MAPK10: variants seen among roughly 807,000 people sequenced by gnomAD.
MAPK10 encodes the protein mitogen-activated protein kinase 10, also known as JNK3 alpha protein kinase.
A neutral mutation model predicts 59.3 loss-of-function variants in MAPK10; 25 were observed. The ratio of observed to expected loss-of-function variants is 0.42; its 90% CI spans 0.31 to 0.59. MAPK10 has a LOEUF of 0.59. Ranked by LOEUF, MAPK10 falls within the 20% of genes least tolerant of loss-of-function variation. The pLI is 0.15. For missense variants in MAPK10, 351 were observed against 568.9 expected (o/e 0.62, Z 3.90); for synonymous variants, 190 against 200.5 (o/e 0.95, Z 0.44).
chr4:86,180,803 A>C (rs1443178234), intron 3 of MAPK10, among the ~76,000 whole-genome samples: 1 of 152,020 alleles, frequency 6.6e-6, no homozygotes, highest in Non-Finnish European at 1.5e-5. Context: ...AAAAAAGTTG[A>C]TCTCATAGAA....
chr4:86,293,834 A>T lies in MAPK10; in HGVS notation c.-7+60696T>A, dbSNP rs536348996. Among the ~76,000 whole-genome samples the T allele has an allele frequency of 4.6e-5, 7 of 152,292 alleles. No homozygotes were observed. In the East Asian group the frequency reaches 1.4e-3, roughly 29 times the overall value. ...CTATCAAGAGGACAGCACCAAGAGGATGGTGCTAATCCATTCAGGAGAAAT... is the reference window on the plus strand; with the variant it reads ...CTATCAAGAGGACAGCACCAAGAGGTTGGTGCTAATCCATTCAGGAGAAAT... On this transcript the variant is annotated intron_variant, in intron 2 of 13. Coordinates refer to ENST00000641462, the MANE Select transcript of MAPK10 (RefSeq NM_138982.4).
rs549616123 is a variant in MAPK10 at position 86,211,928 on chromosome 4, A to G, written c.-6-17521T>C. ...TAAATGTATTCCCCATGCTAGACAC[A>G]TACAAAAAACAGTTATAGAATCTAT... On this transcript the variant is annotated intron_variant, in intron 2 of 13. Transcript: ENST00000641462. Among the ~76,000 whole-genome samples the G allele has an allele frequency of 3.3e-5, 5 of 152,290 alleles. No individual in the cohort carries two copies. The East Asian group carries it at 7.7e-4, about 23-fold the overall frequency.
At position 86,283,731 on chromosome 4, in the gene MAPK10, TGCTTTGTAAAGCTAAATA is replaced by T. The variant is rs745875562; in HGVS notation, c.-7+70781_-7+70798del. ...AATGGAGAAAGAAGTGTATTCATGA[TGCTTTGTAAAGCTAAATA>T]GCCCTTTGATGGTTGCTTGTAGTGC... is the stretch of plus-strand genomic sequence containing the variant. On this transcript the variant is annotated intron_variant, in intron 2 of 13. Coordinates refer to ENST00000641462, the MANE Select transcript of MAPK10 (RefSeq NM_138982.4). Among the ~76,000 whole-genome samples, 99 of 152,366 alleles carry T rather than the reference TGCTTTGTAAAGCTAAATA, an allele frequency of 6.5e-4. 1 individual carries two copies. The highest frequency in any genetic ancestry group is 3.4e-3 in the Middle Eastern group (1 of 294).
At chr4:86,547,212 C>A (rs1206315444) in intron 1 of MAPK10, among the ~76,000 whole-genome samples, 1 of 152,242 alleles carries the variant, frequency 6.6e-6, no homozygotes, top group Non-Finnish European at 1.5e-5. Flanking sequence ...TGGGTTCCCA[C>A]TTTGGCGGCA....
At chr4:86,275,665 TG>T (rs1035574110) in intron 2 of MAPK10, among the ~76,000 whole-genome samples, 5 of 152,212 alleles carry the variant, frequency 3.3e-5, no homozygotes, top group African/African-American at 1.2e-4. Flanking sequence ...CAATTACTTT[TG>T]CTCCAACCTA....
chr4:86,074,618 G>C (rs1266982085), intron 9 of MAPK10, among the ~76,000 whole-genome samples: 4 of 133,252 alleles, frequency 3.0e-5, no homozygotes, highest in African/African-American at 1.2e-4. Flanking sequence ...GCATTTGCTT[G>C]TCTGTAAAGT....
intron 4 of MAPK10, among the ~76,000 whole-genome samples, chr4:86,130,591 G>A (rs997519293): frequency 5.9e-5 from 9 of 152,126 alleles, no homozygotes; most frequent in African/African-American, 1.4e-4. Context: ...GCTTACATAC[G>A]ATAAAATACT....
At position 86,320,460 on chromosome 4, in the gene MAPK10, C is replaced by T. The variant is rs1490444283; in HGVS notation, c.-7+34070G>A. Among the ~76,000 whole-genome samples the T allele has an allele frequency of 2.0e-5, 3 of 152,280 alleles. No individual in the cohort carries two copies. The East Asian group carries it at 5.8e-4, about 29-fold the overall frequency. ...ATAACCAAATCAAATAGAATATCTA[C>T]ACTTTTTGTCAGAAAGAATGGTATC... On this transcript the variant is annotated intron_variant, in intron 2 of 13. Transcript: ENST00000641462.
intron 2 of MAPK10, among the ~76,000 whole-genome samples, chr4:86,349,632 G>A (rs926408320): frequency 2.6e-5 from 4 of 152,136 alleles, no homozygotes; most frequent in African/African-American, 9.7e-5. Flanking sequence ...TGGATGAAAG[G>A]GATCTGAGAG....
chr4:86,189,236 T>C (rs1379149386), intron 3 of MAPK10, among the ~76,000 whole-genome samples: 2 of 152,210 alleles, frequency 1.3e-5, no homozygotes, highest in African/African-American at 2.4e-5. Context: ...GGCTCTTTTT[T>C]GGTTCCATAT....
At chr4:86,483,551 A>G (rs1281287604) in intron 1 of MAPK10, among the ~76,000 whole-genome samples, 1 of 151,708 alleles carries the variant, frequency 6.6e-6, no homozygotes, top group East Asian at 1.9e-4. Flanking sequence ...GCTATAATTA[A>G]TAAATAATAA....
chr4:86,405,038 T>C (rs755126961), intron 1 of MAPK10, among the ~76,000 whole-genome samples: 1 of 152,182 alleles, frequency 6.6e-6, no homozygotes, highest in African/African-American at 2.4e-5. Flanking sequence ...CAACACATAC[T>C]GCGCACTCTA....
At chr4:86,297,085 G>T (rs11931871) in intron 2 of MAPK10, among the ~76,000 whole-genome samples, 1,806 of 152,126 alleles carry the variant, frequency 0.012, 37 homozygotes, top group African/African-American at 0.041. Context: ...CAAATTCCTC[G>T]GTGAGGCTAG....
At position 86,546,080 on chromosome 4, in the gene MAPK10, G is replaced by A. The variant is rs183987169; in HGVS notation, c.-263+47830C>T. On this transcript the variant is annotated intron_variant, in intron 1 of 4. Transcript: ENST00000502302. ...AGCCTGGGCAACAAAAAATTTAGCC[G>A]GGTGTGGTGTTGGGTGCCTATAGTC... Among the ~76,000 whole-genome samples, 1,398 of 152,058 alleles carry A rather than the reference G, an allele frequency of 9.2e-3. 6 individuals carry two copies. Among genetic ancestry groups the A allele is most frequent in the Non-Finnish European group, 0.014 (959 of 67,962 alleles).
At chr4:86,489,654 T>C (rs1754305345) in intron 1 of MAPK10, among the ~76,000 whole-genome samples, 1 of 151,978 alleles carries the variant, frequency 6.6e-6, no homozygotes, top group Admixed American at 6.6e-5. Context: ...GGTTTGTCCC[T>C]TTTTTTTCTC....
At chr4:86,159,592 T>A in intron 3 of MAPK10, 125 bp from the exon 4 acceptor site, 1 of 719,972 alleles carries the variant, frequency 1.4e-6, no homozygotes, top group Middle Eastern at 3.8e-4. Flanking sequence ...GTTCATGAAG[T>A]TCACATAGAA....
chr4:86,451,593 G>A (rs969255310), intron 1 of MAPK10, among the ~76,000 whole-genome samples: 7 of 152,314 alleles, frequency 4.6e-5, no homozygotes, highest in South Asian at 2.1e-4. Context: ...GGAGTGGTAC[G>A]GTGGGACCAG....
At chr4:86,034,687 T>C (rs748664898) in intron 11 of MAPK10, among the ~76,000 whole-genome samples, 8 of 150,632 alleles carry the variant, frequency 5.3e-5, no homozygotes, top group Non-Finnish European at 1.2e-4. Flanking sequence ...GTATACAACA[T>C]GATAAATGAT....
intron 1 of MAPK10, among the ~76,000 whole-genome samples, chr4:86,581,191 T>C (rs1410197417): frequency 3.9e-5 from 6 of 151,966 alleles, no homozygotes; most frequent in African/African-American, 1.5e-4. Flanking sequence ...TAGCAGACAA[T>C]CAGAGGGTTT....
Sources: gnomAD v4.1 joint callset for allele counts (sites outside exome capture counted in the v4.1 genomes callset) on GRCh38, gnomAD v4.1.1 for gene constraint, MANE v1.5 for transcripts, NCBI Gene and HGNC (gene_info 2026-07-23, HGNC 2026-07-21) for gene names.